Variants in BDP1 observed in about 807,000 individuals in gnomAD.
The protein encoded by BDP1 is transcription factor TFIIIB component B'' homolog.
In BDP1, 169 loss-of-function variants were observed where a neutral mutation model predicts 266.6. That is an observed-to-expected ratio of 0.63 (90% CI 0.56 to 0.72). The LOEUF is 0.72. Ranked by LOEUF, BDP1 falls within the 30% of genes least tolerant of loss-of-function variation. The pLI is 0.00. For synonymous variants in BDP1, 1,090 were observed against 1,022.4 expected, an observed-to-expected ratio of 1.07 and a Z score of -1.26; for missense variants, 3,015 against 3,053.8, an observed-to-expected ratio of 0.99 and a Z score of 0.30.
chr5:71,560,751 C>T (rs184454016), intron 37 of BDP1, among the ~76,000 whole-genome samples: 6 of 152,306 alleles, frequency 3.9e-5, no homozygotes, highest in African/African-American at 1.4e-4. Context: ...ATTGGCTTGT[C>T]AGCAGCATCC....
At chr5:71,480,235 C>G (rs1324850123) in intron 7 of BDP1, among the ~76,000 whole-genome samples, 1 of 149,950 alleles carries the variant, frequency 6.7e-6, no homozygotes, top group Non-Finnish European at 1.5e-5. Context: ...CTCAGCTTCC[C>G]AAGTAGCTGG....
At chr5:71,539,461 C>G (rs545138165) in intron 27 of BDP1, 96 bp from the exon 28 acceptor site, 30 of 887,458 alleles carry the variant, frequency 3.4e-5, no homozygotes, top group African/African-American at 3.3e-4. Context: ...TTGGAATCTG[C>G]TCCTAGGAGA....
At chr5:71,513,704 T>C (rs1448837875) in intron 19 of BDP1, among the ~76,000 whole-genome samples, 1 of 151,956 alleles carries the variant, frequency 6.6e-6, no homozygotes, top group African/African-American at 2.4e-5. Flanking sequence ...AAAATGACAA[T>C]AATAGTTTTT....
At chr5:71,503,075 A>C (rs1424280937) in intron 15 of BDP1, among the ~76,000 whole-genome samples, 1 of 151,952 alleles carries the variant, frequency 6.6e-6, no homozygotes, top group Non-Finnish European at 1.5e-5. Context: ...AAAAAAAAAA[A>C]AAAAAAATTC....
At chr5:71,471,067 A>G (rs1382097194) in intron 7 of BDP1, among the ~76,000 whole-genome samples, 1 of 151,978 alleles carries the variant, frequency 6.6e-6, no homozygotes, top group Non-Finnish European at 1.5e-5. Context: ...ATGCACTGCA[A>G]CTAAGATATA....
At chr5:71,487,390 C>T (rs571670701) in intron 9 of BDP1, among the ~76,000 whole-genome samples, 7 of 152,072 alleles carry the variant, frequency 4.6e-5, no homozygotes, top group South Asian at 2.1e-4. Flanking sequence ...TACAGGTGCC[C>T]GTCACCACAC....
chr5:71,536,797 C>G (rs1766626187), intron 26 of BDP1, among the ~76,000 whole-genome samples: 1 of 152,010 alleles, frequency 6.6e-6, no homozygotes, highest in South Asian at 2.1e-4. Context: ...CGTCACTGCA[C>G]CCCAGTCTGG....
rs74749825 is a variant in BDP1 at position 71,505,145 on chromosome 5, T to G, written c.2372+394T>G. ...CCTCAGCCTCCCGAGTAGCTGGGAT[T>G]ACAGGTGCCTGCCACCAAGCCCAGC... On this transcript the variant is annotated intron_variant, in intron 16 of 38. Coordinates refer to ENST00000358731, the MANE Select transcript of BDP1 (RefSeq NM_018429.3). Among the ~76,000 whole-genome samples the G allele has an allele frequency of 1.9e-3, 285 of 152,252 alleles. 8 individuals carry two copies. The East Asian group carries it at 0.049, about 26-fold the overall frequency.
chr5:71,512,247 A>T lies in BDP1; in HGVS notation c.4066A>T (p.Ser1356Cys). The part of the protein sequence containing the change: ...AVPSLDIQNI[S>C]SEVLSMMHTP... ...ACTATGACTGTTCCTCTAGAACATT[A>T]GCAGTGAAGTACTGTCGATGATGCA... Residue 1356 changes from serine (S) to cysteine (C), a missense_variant, in exon 18 of 39, where the codon AGC becomes TGC. Coordinates refer to ENST00000358731, the MANE Select transcript of BDP1 (RefSeq NM_018429.3). The T allele has an allele frequency of 6.8e-7, 1 of 1,479,070 alleles. No homozygotes were observed. The highest frequency in any genetic ancestry group is 9.0e-7 in the Non-Finnish European group (1 of 1,115,536). 91.6% of individuals were successfully genotyped at this position (1,479,070 alleles called of 1,614,324 possible).
rs1743954587 is a variant in BDP1, at chr5:71,565,189, A to G, written c.*304A>G. ...TGCTAAGCACACATGGACATTTGGG[A>G]ATGTTGTGGATATATGTCTCTGTAT... On this transcript the variant is annotated 3_prime_UTR_variant, in exon 39 of 39. Transcript: ENST00000358731. 2 of 235,624 alleles carry G rather than the reference A, an allele frequency of 8.5e-6. No individual in the cohort carries two copies. Among genetic ancestry groups the G allele is most frequent in the South Asian group, 2.2e-4 (2 of 9,096 alleles). The allele number at this position is 235,624 out of a possible 1,614,324, so 14.6% of individuals were successfully genotyped here.
chr5:71,511,855 G>A (rs759914402), intron 17 of BDP1, among the ~76,000 whole-genome samples: 1 of 152,134 alleles, frequency 6.6e-6, no homozygotes, highest in Non-Finnish European at 1.5e-5. Context: ...TAACCCTAGC[G>A]TGAACACACA....
chr5:71,530,178 T>G (rs1416444253), intron 25 of BDP1, among the ~76,000 whole-genome samples: 1 of 152,240 alleles, frequency 6.6e-6, no homozygotes, highest in Non-Finnish European at 1.5e-5. Context: ...TATTTTTTCT[T>G]CTCAAATCAT....
rs1466908416 is a variant in BDP1, at chr5:71,513,412, G to A, written c.4470+5G>A. The A allele has an allele frequency of 6.6e-7, 1 of 1,506,866 alleles. No individual in the cohort carries two copies. Among genetic ancestry groups the A allele is most frequent in the South Asian group, 1.3e-5 (1 of 78,862 alleles). 93.3% of individuals were successfully genotyped at this position (1,506,866 alleles called of 1,614,324 possible). A position where few individuals can be genotyped will look rare whatever the true frequency, so the allele number is the denominator to read the frequency against. ...GATACTCTCCCTTCTCAACATGTGA[G>A]TGTATTTGAGATGGAAGTTCTGTGT... is the stretch of plus-strand genomic sequence containing the variant. On this transcript the variant is annotated splice_donor_5th_base_variant and intron_variant, in intron 19 of 38. Transcript: ENST00000358731.
chr5:71,511,642 G>C (rs1764925461), intron 17 of BDP1, among the ~76,000 whole-genome samples: 2 of 151,996 alleles, frequency 1.3e-5, no homozygotes, highest in Admixed American at 6.6e-5. Flanking sequence ...GTGAGACCCT[G>C]TCTCAAAAAG....
downstream of BDP1, among the ~76,000 whole-genome samples, chr5:71,572,127 C>A (rs1318210137): frequency 6.6e-6 from 1 of 152,186 alleles, no homozygotes; most frequent in Non-Finnish European, 1.5e-5. Flanking sequence ...TGCAAGCCTA[C>A]TCTGGACTGA....
Position 71,522,344 on chromosome 5 carries a change from CA to C in BDP1, c.5051del (p.Lys1684ArgfsTer18). 1.2e-6 allele frequency: 2 copies of C among 1,613,798 alleles called. No homozygotes were observed. Among genetic ancestry groups the C allele is most frequent in the Non-Finnish European group, 1.7e-6 (2 of 1,179,930 alleles). On this transcript the variant is annotated frameshift_variant, in exon 23 of 39. Coordinates refer to ENST00000358731, the MANE Select transcript of BDP1 (RefSeq NM_018429.3). LOFTEE classifies it high-confidence loss of function. ...AGCACAAATGACAAGAAGGAAATTCCAAAAGGCTAAGCCAAATTTGGGAAGA... is the reference window on the plus strand; with the variant it reads ...AGCACAAATGACAAGAAGGAAATTCCAAAGGCTAAGCCAAATTTGGGAAGA... ...SSAQMTRRKF[Q>X]KAKPNLGRAH... is the part of the protein sequence containing the mutation.
intron 34 of BDP1, among the ~76,000 whole-genome samples, chr5:71,552,817 AGGGAGAGGGAGACCATG>A (rs1007395395): frequency 4.6e-5 from 7 of 152,280 alleles, no homozygotes; most frequent in African/African-American, 1.4e-4. Flanking sequence ...GTGGAAAGAG[AGGGAGAGGGAGACCATG>A]GGGAGAGGGA....
intron 34 of BDP1, among the ~76,000 whole-genome samples, chr5:71,552,752 T>C (rs1162365641): frequency 6.6e-6 from 1 of 152,232 alleles, no homozygotes; most frequent in African/African-American, 2.4e-5. Flanking sequence ...GAGGCTGCAG[T>C]GAGCCGAGAT....
the BDP1 span, among the ~76,000 whole-genome samples, chr5:71,576,594 GT>G: frequency 6.6e-6 from 1 of 152,226 alleles, no homozygotes; most frequent in Non-Finnish European, 1.5e-5. Context: ...TAGACCCAGT[GT>G]CTTGGCCCAC....
Sources: gnomAD v4.1 joint callset for allele counts (sites outside exome capture counted in the v4.1 genomes callset) on GRCh38, gnomAD v4.1.1 for gene constraint, MANE v1.5 for transcripts, NCBI Gene and HGNC (gene_info 2026-07-23, HGNC 2026-07-21) for gene names.